The following PPFIBP2 variants were observed in gnomAD, a reference collection of about 807,000 sequenced individuals.
PPFIBP2 encodes liprin-beta-2.
Under a neutral mutation model 118.3 loss-of-function variants are expected in PPFIBP2, and 118 were observed. The ratio of observed to expected loss-of-function variants is 1.00; its 90% CI spans 0.86 to 1.16. The LOEUF is 1.16. Among genes scored for constraint, PPFIBP2 ranks in the 50% most tolerant of loss-of-function variants. PPFIBP2 has a pLI of 0.00. For missense variants in PPFIBP2, 1,195 were observed against 1,073.1 expected (o/e 1.11, Z -1.59); for synonymous variants, 414 against 397.4 (o/e 1.04, Z -0.50).
At chr11:7,605,147 G>A (rs1847183717) in intron 5 of PPFIBP2, among the ~76,000 whole-genome samples, 2 of 152,200 alleles carry the variant, frequency 1.3e-5, no homozygotes, top group Non-Finnish European at 2.9e-5. Context: ...AAAGAACCCT[G>A]CAGAAAAGAT....
In PPFIBP2 at chr11:7,635,005, G is replaced by A. The variant is rs112460334; in HGVS notation, c.1194+453G>A. Among the ~76,000 whole-genome samples, 568 of 152,254 alleles carry A rather than the reference G, an allele frequency of 3.7e-3. 2 individuals are homozygous for A. Among genetic ancestry groups the A allele is most frequent in the Admixed American group, 7.9e-3 (121 of 15,290 alleles). ...TGATCCCAAGGAAAGATGTGGGATCGTCAGGATGTTGGAGAGTGAGCTGTT... is the reference window on the plus strand; with the variant it reads ...TGATCCCAAGGAAAGATGTGGGATCATCAGGATGTTGGAGAGTGAGCTGTT... On this transcript the variant is annotated intron_variant, in intron 13 of 23. Transcript: ENST00000299492.
chr11:7,588,324 C>T (rs1193353687), intron 3 of PPFIBP2, among the ~76,000 whole-genome samples: 1 of 152,212 alleles, frequency 6.6e-6, no homozygotes, highest in Non-Finnish European at 1.5e-5. Context: ...CTCCTGGCTA[C>T]TCACAGTTCT....
chr11:7,631,422 C>T (rs895618784), intron 11 of PPFIBP2, among the ~76,000 whole-genome samples: 3 of 152,258 alleles, frequency 2.0e-5, no homozygotes, highest in South Asian at 4.1e-4. Flanking sequence ...GTTGAATGAA[C>T]GAACATGTCT....
chr11:7,563,622 G>A (rs1460585651), intron 2 of PPFIBP2, among the ~76,000 whole-genome samples: 5 of 152,152 alleles, frequency 3.3e-5, no homozygotes, highest in African/African-American at 7.2e-5. Flanking sequence ...CCATGGATGC[G>A]GTGGCCCCAA....
intron 10 of PPFIBP2, among the ~76,000 whole-genome samples, chr11:7,630,195 C>T (rs560871977): frequency 3.0e-4 from 45 of 152,326 alleles, no homozygotes; most frequent in Non-Finnish European, 5.9e-4. Flanking sequence ...GAAGGATATT[C>T]AGGAACCTCT....
intron 1 of PPFIBP2, among the ~76,000 whole-genome samples, chr11:7,522,567 G>A (rs940376188): frequency 2.0e-5 from 3 of 152,238 alleles, no homozygotes; most frequent in Non-Finnish European, 2.9e-5. Flanking sequence ...AGTTTAGCCA[G>A]AGGAGAGCTG....
intron 3 of PPFIBP2, 51 bp downstream of exon 3, chr11:7,565,818 A>T (rs1340522813): frequency 1.9e-6 from 3 of 1,583,054 alleles, no homozygotes; most frequent in Non-Finnish European, 2.6e-6. Flanking sequence ...GTAATGGTGC[A>T]GCCCATGGAG....
chr11:7,517,162 T>G (rs1849300160), intron 1 of PPFIBP2, among the ~76,000 whole-genome samples: 1 of 152,076 alleles, frequency 6.6e-6, no homozygotes, highest in Non-Finnish European at 1.5e-5. Flanking sequence ...GGAGAAAAAG[T>G]GATGAAGATT....
At chr11:7,556,808 A>T (rs1590226115) in intron 2 of PPFIBP2, among the ~76,000 whole-genome samples, 1 of 152,174 alleles carries the variant, frequency 6.6e-6, no homozygotes, top group South Asian at 2.1e-4. Context: ...GGTCACAGGG[A>T]TTTATTGCTA....
chr11:7,521,318 G>A (rs922861277), intron 1 of PPFIBP2, among the ~76,000 whole-genome samples: 1 of 152,186 alleles, frequency 6.6e-6, no homozygotes, highest in Non-Finnish European at 1.5e-5. Context: ...CTGTCTCTCT[G>A]ATAGGATAAA....
chr11:7,638,382 C>T (rs1476488993), intron 14 of PPFIBP2, among the ~76,000 whole-genome samples: 9 of 152,222 alleles, frequency 5.9e-5, no homozygotes, highest in Non-Finnish European at 1.3e-4. Flanking sequence ...CTAGTTACTT[C>T]TACTCCACCA....
chr11:7,635,671 T>C, intron 14 of PPFIBP2, 78 bp downstream of exon 14: 1 of 1,473,392 alleles, frequency 6.8e-7, no homozygotes, highest in Admixed American at 1.7e-5. Context: ...GTCATAGTTT[T>C]CATAACCTTA....
the PPFIBP2 span, chr11:7,665,354 T>C: frequency 3.0e-5 from 45 of 1,487,828 alleles, 1 homozygote; most frequent in Admixed American, 1.1e-3. Flanking sequence ...ACATGCAAAA[T>C]TGCTGAGCAC....
At position 7,625,777 on chromosome 11, in the gene PPFIBP2, G is replaced by T; in HGVS notation, c.712G>T (p.Ala238Ser). 6.2e-7 allele frequency: 1 copy of T among 1,613,988 alleles called. No individual in the cohort carries two copies. Among genetic ancestry groups the T allele is most frequent in the Non-Finnish European group, 8.5e-7 (1 of 1,179,852 alleles). The change falls in exon 8 of 24, where the codon GCT becomes TCT. Residue 238 changes from alanine (A) to serine (S), a missense_variant and splice_region_variant. Physicochemically the swap from Ala to Ser is moderately conservative, Grantham distance 99. Transcript: ENST00000299492. ...QYEWKLKATK[A>S]EVAQLQEQVA... ...TAGGGATCCTCTGTTGCTCTTCCAGGCTGAAGTCGCCCAGCTGCAAGAACA... is the reference window on the plus strand; with the variant it reads ...TAGGGATCCTCTGTTGCTCTTCCAGTCTGAAGTCGCCCAGCTGCAAGAACA...
chr11:7,549,387 C>A, intron 1 of PPFIBP2, 53 bp from the exon 2 acceptor site: 1 of 1,477,700 alleles, frequency 6.8e-7, no homozygotes, highest in Non-Finnish European at 9.2e-7. Flanking sequence ...ATCTTGTGTG[C>A]GTAACATGGA....
At chr11:7,596,283 G>A (rs1416426445) in intron 4 of PPFIBP2, among the ~76,000 whole-genome samples, 1 of 152,078 alleles carries the variant, frequency 6.6e-6, no homozygotes, top group African/African-American at 2.4e-5. Flanking sequence ...TGAAAGTAGA[G>A]TTAGTTCAGG....
intron 2 of PPFIBP2, among the ~76,000 whole-genome samples, chr11:7,563,240 A>G: frequency 6.6e-6 from 1 of 152,112 alleles, no homozygotes; most frequent in East Asian, 1.9e-4. Context: ...TTTAAAATTC[A>G]TGTGTACAGA....
At chr11:7,618,041 C>A (rs777368105) in intron 6 of PPFIBP2, among the ~76,000 whole-genome samples, 1 of 152,124 alleles carries the variant, frequency 6.6e-6, no homozygotes, top group East Asian at 1.9e-4. Context: ...AAGAAAAGAC[C>A]GAGGTCACAG....
chr11:7,664,886 G>A, the PPFIBP2 span, among the ~76,000 whole-genome samples: 1 of 140,660 alleles, frequency 7.1e-6, no homozygotes, highest in Non-Finnish European at 1.5e-5. Context: ...GACTTTGAAA[G>A]TTGAGAAGTT....
Sources: allele counts gnomAD v4.1 joint callset (sites outside exome capture counted in the v4.1 genomes callset), GRCh38; gene constraint gnomAD v4.1.1; transcripts MANE v1.5; gene names NCBI Gene and HGNC (gene_info 2026-07-23, HGNC 2026-07-21).